ADGRE2: variants seen among roughly 807,000 people sequenced by gnomAD.
ADGRE2 encodes the protein adhesion G protein-coupled receptor E2.
In ADGRE2, 83 loss-of-function variants were observed where a neutral mutation model predicts 100.8. The observed-to-expected ratio is 0.82, with a 90% CI of 0.69 to 0.99. The LOEUF is 0.99. ADGRE2 is among the 50% of genes least tolerant of loss of function. ADGRE2 has a pLI of 0.00. For synonymous variants in ADGRE2, 355 were observed against 413.0 expected (o/e 0.86, Z 1.70); for missense variants, 814 against 1,035.7 (o/e 0.79, Z 2.94).
At chr19:14,736,689 GAT>G (rs1425369401) in intron 20 of ADGRE2, among the ~76,000 whole-genome samples, 1 of 141,828 alleles carries the variant, frequency 7.1e-6, no homozygotes, top group Admixed American at 7.1e-5. Flanking sequence ...GAAATATATA[GAT>G]ATTTAGAAAT....
chr19:14,773,109 AAG>A, intron 4 of ADGRE2, among the ~76,000 whole-genome samples: 9 of 147,270 alleles, frequency 6.1e-5, no homozygotes, highest in African/African-American at 1.8e-4. Context: ...CAAAAAAAAA[AAG>A]AAAAAAGAAA....
chr19:14,731,212 C>T (rs2042668555), downstream of ADGRE2: 12 of 1,532,268 alleles, frequency 7.8e-6, no homozygotes, highest in East Asian at 2.4e-5. Context: ...ACATCCAGTA[C>T]TCTCTTGCAT....
chr19:14,743,987 C>G (rs909936575), intron 18 of ADGRE2, among the ~76,000 whole-genome samples: 3 of 152,142 alleles, frequency 2.0e-5, no homozygotes, highest in African/African-American at 7.2e-5. Flanking sequence ...TGCCTGTAAT[C>G]CCAGCACTTT....
At position 14,764,570 on chromosome 19, in the gene ADGRE2, C is replaced by G; in HGVS notation, c.947G>C (p.Gly316Ala). ...TAAGCGGGGCAGGGTCTCCAGGTCC[C>G]CAGGGGCCTCCAGCAGCTCATCCAG... is the stretch of plus-strand genomic sequence containing the variant. ...QALDELLEAP[G>A]DLETLPRLQQ... The change falls in exon 11 of 21, where the codon GGG (glycine) becomes GCG (alanine). Residue 316 changes from glycine (G) to alanine (A), a missense_variant. Gly to Ala is a moderately conservative substitution (Grantham distance 60). Transcript: ENST00000315576. The G allele has an allele frequency of 6.2e-7, 1 of 1,612,680 alleles. No individual in the cohort carries two copies. The highest frequency in any genetic ancestry group is 1.7e-5 in the Admixed American group (1 of 59,996).
chr19:14,772,225 C>G, intron 5 of ADGRE2, 117 bp downstream of exon 5: 1 of 1,433,086 alleles, frequency 7.0e-7, no homozygotes, highest in Non-Finnish European at 9.7e-7. Context: ...TGTCTCATCT[C>G]AGACTCCAGG....
At position 14,751,542 on chromosome 19, in the gene ADGRE2, T is replaced by G. The variant is rs2043283332; in HGVS notation, c.1918A>C (p.Asn640His). 1 of 1,613,910 alleles carries G rather than the reference T, an allele frequency of 6.2e-7. No individual in the cohort carries two copies. Among genetic ancestry groups the G allele is most frequent in the Admixed American group, 1.7e-5 (1 of 59,968 alleles). Residue 640 changes from asparagine (N) to histidine (H), a missense_variant, in exon 16 of 21, where the codon AAC (asparagine) becomes CAC (histidine). Asn to His is a moderately conservative substitution (Grantham distance 68). Transcript: ENST00000315576. ...AACATGAGCTTCTTCATGAATCTGT[T>G]GATGCTTGAGTAGTTGACCACCGTC... The part of the protein sequence containing the change: ...NLTVVNYSSI[N>H]RFMKKLMFPV...
At chr19:14,746,192 A>G (rs1405663508) in intron 18 of ADGRE2, 40 bp downstream of exon 18, 4 of 1,271,766 alleles carry the variant, frequency 3.1e-6, no homozygotes, top group Non-Finnish European at 4.6e-6. Flanking sequence ...CTTGGGAACC[A>G]TACATGTCTG....
downstream of ADGRE2, among the ~76,000 whole-genome samples, chr19:14,729,190 G>A (rs528964886): frequency 5.3e-5 from 8 of 152,274 alleles, 1 homozygote; most frequent in South Asian, 1.7e-3. Flanking sequence ...AAGAGAAACC[G>A]AGAGATTCAT....
At chr19:14,777,044 A>G (rs2044472358) in intron 1 of ADGRE2, 117 bp from the exon 2 acceptor site, 2 of 1,258,262 alleles carry the variant, frequency 1.6e-6, no homozygotes, top group South Asian at 3.8e-5. Flanking sequence ...AATGAAGTGC[A>G]ACCTGCTTTA....
chr19:14,729,096 T>C (rs1336417230), downstream of ADGRE2, among the ~76,000 whole-genome samples: 1 of 152,132 alleles, frequency 6.6e-6, no homozygotes, highest in Non-Finnish European at 1.5e-5. Flanking sequence ...TGTGAGTTAT[T>C]GATTAGTGCC....
intron 7 of ADGRE2, 151 bp downstream of exon 7, chr19:14,766,084 C>T (rs1219782573): frequency 2.1e-6 from 3 of 1,439,668 alleles, no homozygotes; most frequent in East Asian, 4.6e-5. Context: ...TCCGCAGGAC[C>T]CTTGCTCTTT....
At chr19:14,766,890 T>C (rs564037114) in intron 6 of ADGRE2, 88 bp downstream of exon 6, 124 of 1,482,784 alleles carry the variant, frequency 8.4e-5, no homozygotes, top group South Asian at 1.1e-4. Flanking sequence ...GCGGATCTTC[T>C]CCCTCCTCCT....
At chr19:14,737,363 T>C (rs568554424) in intron 20 of ADGRE2, among the ~76,000 whole-genome samples, 1 of 152,122 alleles carries the variant, frequency 6.6e-6, no homozygotes, top group African/African-American at 2.4e-5. Flanking sequence ...CATTTTTTAA[T>C]TTTAATTTTT....
At chr19:14,756,118 C>T (rs2043493473) in intron 12 of ADGRE2, 120 bp downstream of exon 12, 4 of 850,902 alleles carry the variant, frequency 4.7e-6, no homozygotes, top group Admixed American at 2.0e-5. Context: ...TCTCCTCTTA[C>T]AGCCCCACTC....
intron 4 of ADGRE2, among the ~76,000 whole-genome samples, chr19:14,773,126 A>G (rs1239780377): frequency 5.4e-5 from 8 of 149,238 alleles, no homozygotes; most frequent in Admixed American, 4.7e-4. Flanking sequence ...AAGAAAAATA[A>G]GGGAGAAAAA....
chr19:14,754,700 G>C (rs2043426782), intron 14 of ADGRE2, among the ~76,000 whole-genome samples: 1 of 152,106 alleles, frequency 6.6e-6, no homozygotes, highest in Non-Finnish European at 1.5e-5. Flanking sequence ...ACAATCACAA[G>C]AAACTGAATT....
At chr19:14,764,648 C>A (rs1185167817) in intron 10 of ADGRE2, 38 bp from the exon 11 acceptor site, 1 of 1,574,798 alleles carries the variant, frequency 6.4e-7, no homozygotes, top group African/African-American at 1.4e-5. Flanking sequence ...GAGCCATGGG[C>A]CAGAGGGCCC....
chr19:14,733,074 C>T lies in ADGRE2; in HGVS notation c.*3162G>A, dbSNP rs909087205. The T allele has an allele frequency of 6.6e-6, 1 of 152,234 alleles. No individual in the cohort carries two copies. Among genetic ancestry groups the T allele is most frequent in the Admixed American group, 6.5e-5 (1 of 15,272 alleles). The allele number at this position is 152,234 out of a possible 1,614,324, so 9.4% of individuals were successfully genotyped here. A position where few individuals can be genotyped will look rare whatever the true frequency, so the allele number is the denominator to read the frequency against. The stretch of plus-strand genomic sequence containing the variant: ...AGCAGCAGCTGACTCTGATATTCCC[C>T]ATCTCACCTTAGCAGTCTATATCAA... On this transcript the variant is annotated 3_prime_UTR_variant, in exon 21 of 21. Coordinates refer to ENST00000315576, the MANE Select transcript of ADGRE2 (RefSeq NM_013447.4).
intron 20 of ADGRE2, among the ~76,000 whole-genome samples, chr19:14,742,510 G>A (rs538191806): frequency 6.7e-4 from 102 of 152,146 alleles, no homozygotes; most frequent in Non-Finnish European, 1.3e-3. Flanking sequence ...GGGATTACAG[G>A]CATGAGCCAC....
Sources: gnomAD v4.1 joint callset for allele counts (sites outside exome capture counted in the v4.1 genomes callset) on GRCh38, gnomAD v4.1.1 for gene constraint, MANE v1.5 for transcripts, NCBI Gene and HGNC (gene_info 2026-07-23, HGNC 2026-07-21) for gene names.